Variants in GUCY1A2 observed in about 807,000 individuals in gnomAD.
The protein encoded by GUCY1A2 is guanylate cyclase 1 soluble subunit alpha 2, also known as guanylate cyclase soluble subunit alpha-2.
Under a neutral mutation model 63.5 loss-of-function variants are expected in GUCY1A2, and 27 were observed. That is an observed-to-expected ratio of 0.43 (90% CI 0.31 to 0.59). The LOEUF is 0.59. Ranked by LOEUF, GUCY1A2 falls within the 20% of genes least tolerant of loss-of-function variation. The pLI, the probability that GUCY1A2 is intolerant of heterozygous loss-of-function variation, is 0.11. For synonymous variants in GUCY1A2, 364 were observed against 343.5 expected (o/e 1.06, Z -0.66); for missense variants, 768 against 913.3 (o/e 0.84, Z 2.05).
chr11:106,986,137 G>T lies in GUCY1A2; in HGVS notation c.304-6C>A. The T allele has an allele frequency of 7.4e-7, 1 of 1,352,950 alleles. No individual in the cohort carries two copies. The highest frequency in any genetic ancestry group is 1.1e-6 in the Non-Finnish European group (1 of 942,590). 83.8% of individuals were successfully genotyped at this position (1,352,950 alleles called of 1,614,324 possible). On this transcript the variant is annotated splice_polypyrimidine_tract_variant and splice_region_variant and intron_variant, in intron 1 of 7. Coordinates refer to ENST00000526355, the MANE Select transcript of GUCY1A2 (RefSeq NM_000855.3). ...GTCTGCTGTATCGTCTGAGGCTACA[G>T]AATAATAATAATAATAAAAACATAT...
chr11:106,841,945 C>T (rs1439897180), intron 4 of GUCY1A2, among the ~76,000 whole-genome samples: 1 of 151,852 alleles, frequency 6.6e-6, no homozygotes, highest in Non-Finnish European at 1.5e-5. Context: ...CACCTTCCAC[C>T]TTCTGTACCC....
Position 106,685,723 on chromosome 11 carries a change from A to G in GUCY1A2, c.*1826T>C, listed in dbSNP as rs1862515165. 1 of 227,284 alleles carries G rather than the reference A, an allele frequency of 4.4e-6. No individual in the cohort carries two copies. Among genetic ancestry groups the G allele is most frequent in the African/African-American group, 2.2e-5 (1 of 44,986 alleles). The allele number at this position is 227,284 out of a possible 1,614,324, so 14.1% of individuals were successfully genotyped here. The stretch of plus-strand genomic sequence containing the variant: ...CTGGCTGTAAACCTCCCCATTGTCC[A>G]GAAACACAGGCCCACAGAAGAGGGG... On this transcript the variant is annotated 3_prime_UTR_variant, in exon 8 of 8. Coordinates refer to ENST00000526355, the MANE Select transcript of GUCY1A2 (RefSeq NM_000855.3).
In GUCY1A2 at chr11:106,685,045, C is replaced by T. The variant is rs753920298; in HGVS notation, c.*2504G>A. 3 of 204,832 alleles carry T rather than the reference C, an allele frequency of 1.5e-5. No homozygotes were observed. Among genetic ancestry groups the T allele is most frequent in the African/African-American group, 2.3e-5 (1 of 43,720 alleles). 12.7% of individuals were successfully genotyped at this position (204,832 alleles called of 1,614,324 possible). ...AACATATATAGCAACATTGTAACTA[C>T]AATAATCAACTATAATAGATTAGCA... On this transcript the variant is annotated 3_prime_UTR_variant, in exon 8 of 8. Transcript: ENST00000526355.
chr11:106,934,727 AG>A (rs1233171870), intron 4 of GUCY1A2, among the ~76,000 whole-genome samples: 1 of 152,196 alleles, frequency 6.6e-6, no homozygotes, highest in African/African-American at 2.4e-5. Context: ...TCCAACCCTG[AG>A]AACAAAAGTG....
chr11:106,755,305 T>G (rs1345946170), intron 6 of GUCY1A2, among the ~76,000 whole-genome samples: 1 of 152,184 alleles, frequency 6.6e-6, no homozygotes, highest in African/African-American at 2.4e-5. Context: ...AGCTTCTGGA[T>G]TCATAATTTT....
intron 4 of GUCY1A2, chr11:106,827,031 T>A: frequency 1.9e-6 from 3 of 1,592,338 alleles, no homozygotes; most frequent in Non-Finnish European, 2.6e-6. Flanking sequence ...TAGTTGTAAC[T>A]GACGTATGGT....
chr11:106,977,504 T>C (rs1861277891), intron 3 of GUCY1A2, among the ~76,000 whole-genome samples: 1 of 152,174 alleles, frequency 6.6e-6, no homozygotes, highest in Admixed American at 6.5e-5. Flanking sequence ...CATTTTCTTA[T>C]TATACAATTT....
chr11:106,913,656 G>C (rs1860326605), intron 4 of GUCY1A2, among the ~76,000 whole-genome samples: 2 of 151,998 alleles, frequency 1.3e-5, no homozygotes, highest in South Asian at 2.1e-4. Flanking sequence ...AGACATCAAA[G>C]TACAGCTCTT....
intron 4 of GUCY1A2, among the ~76,000 whole-genome samples, chr11:106,938,689 T>G (rs1395886299): frequency 6.6e-6 from 1 of 152,242 alleles, no homozygotes; most frequent in Admixed American, 6.5e-5. Flanking sequence ...TCTTTACATT[T>G]TATTATCTAT....
chr11:106,831,482 C>G (rs1431445711), intron 4 of GUCY1A2, among the ~76,000 whole-genome samples: 1 of 152,170 alleles, frequency 6.6e-6, no homozygotes, highest in African/African-American at 2.4e-5. Context: ...ACTTAGAGCA[C>G]TGAAGAAAGG....
intron 4 of GUCY1A2, among the ~76,000 whole-genome samples, chr11:106,829,996 G>T (rs1379006879): frequency 1.3e-5 from 2 of 152,186 alleles, no homozygotes; most frequent in Non-Finnish European, 2.9e-5. Flanking sequence ...GAAGAAGGTA[G>T]TCATCAATAC....
At chr11:106,829,211 G>A (rs1453189958) in intron 4 of GUCY1A2, among the ~76,000 whole-genome samples, 1 of 152,190 alleles carries the variant, frequency 6.6e-6, no homozygotes, top group African/African-American at 2.4e-5. Context: ...CTGCAGTGGT[G>A]TGGAACACAC....
At chr11:106,769,217 T>G (rs1350138116) in intron 6 of GUCY1A2, among the ~76,000 whole-genome samples, 1 of 152,156 alleles carries the variant, frequency 6.6e-6, no homozygotes, top group East Asian at 1.9e-4. Context: ...TGTAATAGAC[T>G]GCAGGAGTTC....
intron 4 of GUCY1A2, among the ~76,000 whole-genome samples, chr11:106,897,101 T>G (rs888014592): frequency 6.6e-6 from 1 of 152,134 alleles, no homozygotes; most frequent in Non-Finnish European, 1.5e-5. Context: ...TACATTTACA[T>G]TAGCATACCC....
chr11:107,003,980 C>G lies in GUCY1A2; in HGVS notation c.303+13773G>C, dbSNP rs1861641068. Among the ~76,000 whole-genome samples, 7 of 152,078 alleles carry G rather than the reference C, an allele frequency of 4.6e-5. 1 individual carries two copies. The highest frequency in any genetic ancestry group is 4.6e-4 in the Admixed American group (7 of 15,272). Reference sequence around the variant, plus strand: ...ACATAGAGCTCTGATCTCAGAGTTGCCTAAATTAGAGCAAGAAGGCCTAGC... The same window carrying G: ...ACATAGAGCTCTGATCTCAGAGTTGGCTAAATTAGAGCAAGAAGGCCTAGC... On this transcript the variant is annotated intron_variant, in intron 1 of 7. Coordinates refer to ENST00000526355, the MANE Select transcript of GUCY1A2 (RefSeq NM_000855.3).
intron 6 of GUCY1A2, among the ~76,000 whole-genome samples, chr11:106,720,621 A>G (rs1427795578): frequency 1.3e-5 from 2 of 152,218 alleles, no homozygotes; most frequent in African/African-American, 4.8e-5. Context: ...AGTGTTATCA[A>G]GGGAACAGAA....
In GUCY1A2 at chr11:106,680,845, G is replaced by T; in HGVS notation, c.*6704C>A. On this transcript the variant is annotated 3_prime_UTR_variant, in exon 8 of 8. Transcript: ENST00000526355. ...TCATGTTTAGGGGATTGTTTACCTT[G>T]CAGGGCAATAATAGGAGCTGTCATC... 1 of 206,764 alleles carries T rather than the reference G, an allele frequency of 4.8e-6. No homozygotes were observed. Among genetic ancestry groups the T allele is most frequent in the Admixed American group, 5.9e-5 (1 of 16,834 alleles). 12.8% of individuals were successfully genotyped at this position (206,764 alleles called of 1,614,324 possible).
chr11:106,851,564 A>T (rs1028039619), intron 4 of GUCY1A2, among the ~76,000 whole-genome samples: 2 of 151,954 alleles, frequency 1.3e-5, no homozygotes, highest in African/African-American at 2.4e-5. Flanking sequence ...ATTCTTTTGC[A>T]TATGGATATC....
chr11:106,805,739 A>C (rs7113801), intron 5 of GUCY1A2, among the ~76,000 whole-genome samples: 2 of 152,060 alleles, frequency 1.3e-5, no homozygotes, highest in East Asian at 3.9e-4. Flanking sequence ...TCTAACAAAG[A>C]GAAAAGATGG....
Sources: gnomAD v4.1 joint callset for allele counts (sites outside exome capture counted in the v4.1 genomes callset) on GRCh38, gnomAD v4.1.1 for gene constraint, MANE v1.5 for transcripts, NCBI Gene and HGNC (gene_info 2026-07-23, HGNC 2026-07-21) for gene names.